DOCK7: variants seen among roughly 807,000 people sequenced by gnomAD.
DOCK7 encodes the protein dedicator of cytokinesis 7.
Under a neutral mutation model 271.0 loss-of-function variants are expected in DOCK7, and 138 were observed. The observed-to-expected ratio is 0.51, with a 90% CI of 0.44 to 0.59. DOCK7 has a LOEUF of 0.59. DOCK7 is among the 20% of genes least tolerant of loss of function. The pLI, the probability that DOCK7 is intolerant of heterozygous loss-of-function variation, is 0.00. For missense variants in DOCK7, 2,066 were observed against 2,592.4 expected (o/e 0.80, Z 4.41); for synonymous variants, 823 against 876.1 (o/e 0.94, Z 1.07).
chr1:62,610,260 C>T (rs1286434557), intron 14 of DOCK7, among the ~76,000 whole-genome samples: 1 of 152,012 alleles, frequency 6.6e-6, no homozygotes, highest in Admixed American at 6.6e-5. Context: ...TAGCTTGAGA[C>T]ATCTATGAAC....
At chr1:62,564,078 T>C (rs781526628) in intron 18 of DOCK7, among the ~76,000 whole-genome samples, 13 of 152,020 alleles carry the variant, frequency 8.6e-5, no homozygotes, top group Non-Finnish European at 1.0e-4. Flanking sequence ...AAGCAAGTTA[T>C]TAGAGACCTA....
intron 34 of DOCK7, 115 bp from the exon 35 acceptor site, chr1:62,508,173 T>TA: frequency 1.1e-6 from 1 of 944,226 alleles, no homozygotes. Context: ...ATTTGCCTGA[T>TA]AAAAAATTAC....
chr1:62,618,995 T>C lies in DOCK7; in HGVS notation c.1520-127A>G, dbSNP rs1652804566. On this transcript the variant is annotated intron_variant, in intron 13 of 49. Coordinates refer to ENST00000635253, the MANE Select transcript of DOCK7 (RefSeq NM_001367561.1). ...AAGAATATTACAGAAACCAAATTTA[T>C]ATTATTATCATCTCATGCCTCTAAA... The C allele has an allele frequency of 7.9e-6, 6 of 757,868 alleles. No individual in the cohort carries two copies. The East Asian group carries it at 1.6e-4, about 20-fold the overall frequency. The allele number at this position is 757,868 out of a possible 1,614,324, so 46.9% of individuals were successfully genotyped here.
chr1:62,515,284 T>G (rs545906691), intron 31 of DOCK7, among the ~76,000 whole-genome samples: 3 of 152,200 alleles, frequency 2.0e-5, no homozygotes, highest in African/African-American at 7.2e-5. Flanking sequence ...CCCATGCATA[T>G]AAGTGAATTC....
chr1:62,559,834 T>C (rs1194301192), intron 19 of DOCK7, among the ~76,000 whole-genome samples: 1 of 152,142 alleles, frequency 6.6e-6, no homozygotes, highest in African/African-American at 2.4e-5. Context: ...GGGTTCCCAT[T>C]GACAGAGATG....
At chr1:62,670,065 C>T (rs1320778682) in intron 1 of DOCK7, among the ~76,000 whole-genome samples, 1 of 152,252 alleles carries the variant, frequency 6.6e-6, no homozygotes, top group African/African-American at 2.4e-5. Context: ...CTGGGTCCCC[C>T]AGCAGTGCCG....
chr1:62,666,322 T>C (rs142873047), intron 1 of DOCK7, among the ~76,000 whole-genome samples: 25 of 152,304 alleles, frequency 1.6e-4, no homozygotes, highest in Non-Finnish European at 3.7e-4. Context: ...TAATGAAACA[T>C]AGTTACTTCA....
intron 1 of DOCK7, among the ~76,000 whole-genome samples, chr1:62,667,085 C>T (rs1162130901): frequency 6.6e-6 from 1 of 152,222 alleles, no homozygotes; most frequent in East Asian, 1.9e-4. Context: ...CCCACTCCTA[C>T]TTTCAGACAC....
intron 12 of DOCK7, among the ~76,000 whole-genome samples, chr1:62,622,378 C>A (rs767111812): frequency 1.3e-5 from 2 of 152,114 alleles, no homozygotes; most frequent in African/African-American, 2.4e-5. Context: ...GAACAAATGT[C>A]TTCAAAACTA....
intron 13 of DOCK7, 129 bp from the exon 14 acceptor site, chr1:62,618,997 T>C: frequency 1.3e-6 from 1 of 742,286 alleles, no homozygotes; most frequent in Non-Finnish European, 2.2e-6. Flanking sequence ...CAAATTTATA[T>C]TATTATCATC....
At chr1:62,513,313 A>G in intron 33 of DOCK7, 131 bp downstream of exon 33, 1 of 619,984 alleles carries the variant, frequency 1.6e-6, no homozygotes, top group Non-Finnish European at 2.2e-6. Flanking sequence ...TTATTACTGC[A>G]GAGAAATGAT....
intron 2 of DOCK7, among the ~76,000 whole-genome samples, chr1:62,654,801 T>G (rs1657794971): frequency 6.6e-6 from 1 of 152,166 alleles, no homozygotes; most frequent in Admixed American, 6.5e-5. Context: ...AGAGGGAGAT[T>G]AGGCTATACA....
At chr1:62,620,352 T>C (rs1187549566) in intron 12 of DOCK7, among the ~76,000 whole-genome samples, 1 of 151,340 alleles carries the variant, frequency 6.6e-6, no homozygotes, top group African/African-American at 2.4e-5. Context: ...TAAAGATATA[T>C]ATATGATGAA....
At chr1:62,528,118 G>GAA in intron 31 of DOCK7, 33 bp downstream of exon 31, 1 of 1,566,166 alleles carries the variant, frequency 6.4e-7, no homozygotes, top group Non-Finnish European at 8.7e-7. Context: ...TGTCTTTCTA[G>GAA]AAAAAAAAAT....
chr1:62,489,847 T>A (rs556950408), intron 41 of DOCK7, among the ~76,000 whole-genome samples: 1 of 152,228 alleles, frequency 6.6e-6, no homozygotes, highest in African/African-American at 2.4e-5. Flanking sequence ...GACATAAAAA[T>A]CATTTACTTT....
chr1:62,569,187 T>C lies in DOCK7; in HGVS notation c.2113-7484A>G, dbSNP rs190091830. On this transcript the variant is annotated intron_variant, in intron 18 of 49. Transcript: ENST00000635253. Reference sequence around the variant, plus strand: ...CAAAGAGAGCTGGTACCATTTCCTCTAAAACTATTCCAAACAACTGCAAAG... The same window carrying C: ...CAAAGAGAGCTGGTACCATTTCCTCCAAAACTATTCCAAACAACTGCAAAG... Among the ~76,000 whole-genome samples the C allele has an allele frequency of 2.3e-4, 35 of 152,186 alleles. No individual in the cohort carries two copies. In the East Asian group the frequency reaches 6.4e-3, roughly 28 times the overall value.
At chr1:62,608,734 C>T (rs1651360328) in intron 14 of DOCK7, 1 of 152,122 alleles carries the variant, frequency 6.6e-6, no homozygotes, top group African/African-American at 2.4e-5. Flanking sequence ...ACACACATGT[C>T]TCATTATGAG....
intron 11 of DOCK7, among the ~76,000 whole-genome samples, chr1:62,626,988 G>T (rs556269653): frequency 1.7e-4 from 26 of 152,070 alleles, no homozygotes; most frequent in African/African-American, 6.3e-4. Flanking sequence ...CAAAAATCCT[G>T]AACAAAATAC....
At chr1:62,682,339 T>C (rs1661263639) in intron 1 of DOCK7, among the ~76,000 whole-genome samples, 1 of 152,196 alleles carries the variant, frequency 6.6e-6, no homozygotes, top group South Asian at 2.1e-4. Flanking sequence ...GATCAGCTAG[T>C]AGCTTTCTAT....
Sources: gnomAD v4.1 joint callset for allele counts (sites outside exome capture counted in the v4.1 genomes callset) on GRCh38, gnomAD v4.1.1 for gene constraint, MANE v1.5 for transcripts, NCBI Gene and HGNC (gene_info 2026-07-23, HGNC 2026-07-21) for gene names.